B4GALT6: variants seen among roughly 807,000 people sequenced by gnomAD.
B4GALT6 encodes the protein beta-1,4-galactosyltransferase 6.
In B4GALT6, 14 loss-of-function variants were observed where a neutral mutation model predicts 46.3. That is an observed-to-expected ratio of 0.30 (90% CI 0.20 to 0.47). The LOEUF (loss-of-function observed/expected upper bound fraction) is 0.47, where lower values mean the gene tolerates loss of function less well. Among genes scored for constraint, B4GALT6 ranks in the 20% least tolerant of loss-of-function variants. B4GALT6 has a pLI of 0.99. For missense variants in B4GALT6, 386 were observed against 480.1 expected, an observed-to-expected ratio of 0.80 and a Z score of 1.83; for synonymous variants, 168 against 162.0, an observed-to-expected ratio of 1.04 and a Z score of -0.28.
the B4GALT6 span, among the ~76,000 whole-genome samples, chr18:31,700,841 G>T: frequency 1.3e-5 from 2 of 152,080 alleles, no homozygotes; most frequent in African/African-American, 4.8e-5. Context: ...GGATCTCAGA[G>T]TGACGATGTG....
At chr18:31,649,947 C>T (rs576254032) in intron 3 of B4GALT6, among the ~76,000 whole-genome samples, 1 of 152,306 alleles carries the variant, frequency 6.6e-6, no homozygotes, top group East Asian at 1.9e-4. Context: ...ACCAAAAAGG[C>T]ACATGCACTA....
intron 3 of B4GALT6, among the ~76,000 whole-genome samples, chr18:31,651,491 A>G (rs1249908238): frequency 6.6e-6 from 1 of 152,016 alleles, no homozygotes; most frequent in African/African-American, 2.4e-5. Context: ...AACTTTTTAA[A>G]TACTTACTCC....
At chr18:31,704,357 C>T in the B4GALT6 span, among the ~76,000 whole-genome samples, 4 of 151,616 alleles carry the variant, frequency 2.6e-5, no homozygotes, top group South Asian at 2.1e-4. Context: ...TACAGAAATG[C>T]GCCACCATGC....
At chr18:31,703,558 T>C in the B4GALT6 span, among the ~76,000 whole-genome samples, 2 of 152,160 alleles carry the variant, frequency 1.3e-5, no homozygotes, top group Non-Finnish European at 2.9e-5. Flanking sequence ...AATTTCATCC[T>C]CAACCAGAAA....
At chr18:31,640,449 A>C (rs2073915461) in intron 4 of B4GALT6, among the ~76,000 whole-genome samples, 1 of 152,236 alleles carries the variant, frequency 6.6e-6, no homozygotes, top group African/African-American at 2.4e-5. Context: ...AAAATGATTT[A>C]GTAAAATTGA....
chr18:31,684,366 AGAAGAT>A lies in B4GALT6; in HGVS notation c.55_60del (p.Ile19_Phe20del). On this transcript the variant is annotated inframe_deletion, in exon 1 of 9. Transcript: ENST00000306851. ...AGACAGGACGAAGAGAGGGAGAAGAAGAAGATGAAGGCGAGGAGAGAGCGATTGGAA... is the reference window on the plus strand; with the variant it reads ...AGACAGGACGAAGAGAGGGAGAAGAAGAAGGCGAGGAGAGAGCGATTGGAA... 6.2e-7 allele frequency: 1 copy of A among 1,613,960 alleles called. No individual in the cohort carries two copies. The highest frequency in any genetic ancestry group is 8.5e-7 in the Non-Finnish European group (1 of 1,179,938).
At chr18:31,682,959 G>A (rs1249930598) in intron 1 of B4GALT6, among the ~76,000 whole-genome samples, 1 of 152,140 alleles carries the variant, frequency 6.6e-6, no homozygotes, top group African/African-American at 2.4e-5. Context: ...CAAGGGGTAG[G>A]TTTTTGTGAG....
intron 1 of B4GALT6, among the ~76,000 whole-genome samples, chr18:31,666,872 GATC>G (rs1255652490): frequency 2.6e-5 from 4 of 152,224 alleles, no homozygotes; most frequent in South Asian, 2.1e-4. Context: ...GGGGAGGGGT[GATC>G]TAGGATCAGT....
chr18:31,673,451 G>A (rs1481596459), intron 1 of B4GALT6, among the ~76,000 whole-genome samples: 1 of 152,282 alleles, frequency 6.6e-6, no homozygotes, highest in South Asian at 2.1e-4. Flanking sequence ...AGTGAGGGCA[G>A]AAGACAAGAG....
At chr18:31,689,464 G>T (rs2030035455), upstream of B4GALT6, among the ~76,000 whole-genome samples, 1 of 152,274 alleles carries the variant, frequency 6.6e-6, no homozygotes, top group African/African-American at 2.4e-5. Flanking sequence ...AAGAGGCTGG[G>T]CCGGGCGCAA....
chr18:31,718,032 G>A, the B4GALT6 span, among the ~76,000 whole-genome samples: 325 of 151,686 alleles, frequency 2.1e-3, 1 homozygote, highest in African/African-American at 7.3e-3. Context: ...TAAAGCTGCC[G>A]AGATATTAAA....
intron 3 of B4GALT6, among the ~76,000 whole-genome samples, chr18:31,651,058 G>A (rs1024749201): frequency 9.9e-5 from 15 of 151,956 alleles, no homozygotes; most frequent in Non-Finnish European, 1.6e-4. Context: ...GAGCCACCGC[G>A]CCCAGCCCCC....
intron 1 of B4GALT6, among the ~76,000 whole-genome samples, chr18:31,674,008 G>A (rs757093450): frequency 7.9e-5 from 12 of 152,154 alleles, no homozygotes; most frequent in Non-Finnish European, 1.8e-4. Flanking sequence ...ACCTGAAGCT[G>A]GAAGTCGCAG....
At chr18:31,681,917 T>C (rs2074484270) in intron 1 of B4GALT6, among the ~76,000 whole-genome samples, 1 of 152,200 alleles carries the variant, frequency 6.6e-6, no homozygotes, top group Admixed American at 6.5e-5. Flanking sequence ...GGCTAAAATA[T>C]GAATTATTTT....
chr18:31,723,867 A>G, the B4GALT6 span, among the ~76,000 whole-genome samples: 25,631 of 152,038 alleles, frequency 0.17, 2,696 homozygotes, highest in African/African-American at 0.31. Context: ...GGAAGAGTTC[A>G]GGCTGCCAGA....
chr18:31,656,206 A>AT (rs2074136556), intron 3 of B4GALT6, among the ~76,000 whole-genome samples: 1 of 152,202 alleles, frequency 6.6e-6, no homozygotes, highest in East Asian at 1.9e-4. Context: ...AATAAGCTAA[A>AT]ACAAGTCCTA....
chr18:31,712,106 C>A, the B4GALT6 span, among the ~76,000 whole-genome samples: 1 of 152,072 alleles, frequency 6.6e-6, no homozygotes, highest in Non-Finnish European at 1.5e-5. Flanking sequence ...TGACTATAAT[C>A]AAGTTTAAAT....
At chr18:31,702,366 C>T in the B4GALT6 span, among the ~76,000 whole-genome samples, 1 of 152,122 alleles carries the variant, frequency 6.6e-6, no homozygotes, top group Non-Finnish European at 1.5e-5. Context: ...CATAGGGTGA[C>T]TGGAAACAAC....
intron 2 of B4GALT6, among the ~76,000 whole-genome samples, chr18:31,662,117 T>G (rs1361664224): frequency 6.6e-6 from 1 of 152,240 alleles, no homozygotes; most frequent in Non-Finnish European, 1.5e-5. Context: ...AGTGCTAGAA[T>G]GACTGAATCA....
Sources: allele counts gnomAD v4.1 joint callset (sites outside exome capture counted in the v4.1 genomes callset), GRCh38; gene constraint gnomAD v4.1.1; transcripts MANE v1.5; gene names NCBI Gene and HGNC (gene_info 2026-07-23, HGNC 2026-07-21).